The following ZNF385D variants were observed in gnomAD, a reference collection of about 807,000 sequenced individuals.
ZNF385D encodes zinc finger protein 385D.
A neutral mutation model predicts 35.8 loss-of-function variants in ZNF385D; 15 were observed. The ratio of observed to expected loss-of-function variants is 0.42; its 90% CI spans 0.28 to 0.64. The LOEUF (loss-of-function observed/expected upper bound fraction) is 0.64, where lower values mean the gene tolerates loss of function less well. Among genes scored for constraint, ZNF385D ranks in the 30% least tolerant of loss-of-function variants. The pLI, the probability that ZNF385D is intolerant of heterozygous loss-of-function variation, is 0.23. For synonymous variants in ZNF385D, 212 were observed against 186.8 expected (o/e 1.13, Z -1.10); for missense variants, 474 against 494.6 (o/e 0.96, Z 0.39).
chr3:22,000,369 C>T (rs1157272184), intron 3 of ZNF385D, among the ~76,000 whole-genome samples: 1 of 152,072 alleles, frequency 6.6e-6, no homozygotes, highest in Non-Finnish European at 1.5e-5. Flanking sequence ...TCTGGTCATC[C>T]TCACTGCTAC....
chr3:21,735,480 A>G (rs1157744804), intron 1 of ZNF385D, among the ~76,000 whole-genome samples: 1 of 152,174 alleles, frequency 6.6e-6, no homozygotes, highest in Non-Finnish European at 1.5e-5. Context: ...ACATCCTTAC[A>G]TATAAAGATG....
intron 2 of ZNF385D, among the ~76,000 whole-genome samples, chr3:21,568,444 T>C (rs2063223334): frequency 6.6e-6 from 1 of 152,208 alleles, no homozygotes; most frequent in Non-Finnish European, 1.5e-5. Context: ...TGTTTTTCTC[T>C]CCAGGAACCA....
chr3:21,510,283 G>T (rs570278452), intron 4 of ZNF385D, among the ~76,000 whole-genome samples: 1 of 152,108 alleles, frequency 6.6e-6, no homozygotes, highest in African/African-American at 2.4e-5. Flanking sequence ...TTATTTCACC[G>T]TGAAGCCTCT....
intron 3 of ZNF385D, among the ~76,000 whole-genome samples, chr3:22,094,165 T>A (rs1193401978): frequency 6.6e-6 from 1 of 151,898 alleles, no homozygotes; most frequent in Non-Finnish European, 1.5e-5. Context: ...ATATTCTAAT[T>A]TTCCTTTCTA....
In ZNF385D at chr3:22,091,235, G is replaced by A. The variant is rs149444922; in HGVS notation, c.325+77582C>T. ...CAAGATTCCAGACATTTAACTAGAT[G>A]GAGATACCAGAGCCTACTGGTGAAG... is the stretch of plus-strand genomic sequence containing the variant. On this transcript the variant is annotated intron_variant, in intron 3 of 5. Coordinates refer to the ZNF385D transcript ENST00000494108. 1.3e-4 allele frequency among the ~76,000 whole-genome samples: 20 copies of A among 152,246 alleles called. No individual in the cohort carries two copies. In the East Asian group the frequency reaches 3.7e-3, roughly 28 times the overall value.
chr3:22,196,749 T>C (rs1186785420), intron 2 of ZNF385D, among the ~76,000 whole-genome samples: 4 of 152,136 alleles, frequency 2.6e-5, no homozygotes, highest in African/African-American at 2.4e-5. Flanking sequence ...CCAAAATACA[T>C]TGTTGTCATT....
intron 2 of ZNF385D, among the ~76,000 whole-genome samples, chr3:22,334,482 T>C (rs537732541): frequency 1.3e-5 from 2 of 152,292 alleles, no homozygotes; most frequent in South Asian, 4.1e-4. Context: ...ACTTTTACCA[T>C]TGCTGCTCAT....
At chr3:22,138,256 G>A (rs1227186840) in intron 3 of ZNF385D, among the ~76,000 whole-genome samples, 1 of 152,154 alleles carries the variant, frequency 6.6e-6, no homozygotes, top group Non-Finnish European at 1.5e-5. Flanking sequence ...GCAATTTATA[G>A]ATTCAATGCC....
Position 21,599,034 on chromosome 3 carries a change from T to C in ZNF385D, c.166-34350A>G. The stretch of plus-strand genomic sequence containing the variant: ...AGATTTCCACTAAAACAGTAGTGAC[T>C]TCCAAATAAACTTCAAATCACCTAT... On this transcript the variant is annotated intron_variant, in intron 2 of 7. Transcript: ENST00000281523. Among the ~76,000 whole-genome samples, 3 of 152,330 alleles carry C rather than the reference T, an allele frequency of 2.0e-5. No individual in the cohort carries two copies. The Middle Eastern group carries it at 0.01, about 518-fold the overall frequency.
chr3:21,755,069 A>C (rs2070280492), upstream of ZNF385D, among the ~76,000 whole-genome samples: 2 of 152,150 alleles, frequency 1.3e-5, no homozygotes, highest in African/African-American at 4.8e-5. Flanking sequence ...ACAGTTTGTG[A>C]GTGTGTTTGT....
chr3:21,681,450 A>G (rs2066905221), intron 1 of ZNF385D, among the ~76,000 whole-genome samples: 1 of 151,832 alleles, frequency 6.6e-6, no homozygotes, highest in Non-Finnish European at 1.5e-5. Flanking sequence ...CAGTAATGAG[A>G]TATTTCAGAT....
chr3:22,014,660 G>A (rs1696774648), intron 3 of ZNF385D, among the ~76,000 whole-genome samples: 1 of 151,902 alleles, frequency 6.6e-6, no homozygotes, highest in Non-Finnish European at 1.5e-5. Context: ...ATGATAATAT[G>A]TGCAAGCAAA....
chr3:21,728,474 G>T (rs991006957), intron 1 of ZNF385D, among the ~76,000 whole-genome samples: 1 of 151,926 alleles, frequency 6.6e-6, no homozygotes, highest in Admixed American at 6.6e-5. Context: ...GAAACAAAAG[G>T]CATTCAATTA....
rs1701837417 is a variant in ZNF385D, at chr3:22,282,900, G to A, written c.106+89550C>T. The stretch of plus-strand genomic sequence containing the variant: ...CTTAAAAGACACAGAATGGCAGAAT[G>A]GATAAGAATTCACCAATCAAGTATC... On this transcript the variant is annotated intron_variant, in intron 2 of 5. Coordinates refer to the ZNF385D transcript ENST00000494108. 2.0e-5 allele frequency among the ~76,000 whole-genome samples: 3 copies of A among 152,000 alleles called. No individual in the cohort carries two copies. The South Asian group carries it at 6.2e-4, about 31-fold the overall frequency.
chr3:21,972,962 C>A (rs142761805), intron 3 of ZNF385D, among the ~76,000 whole-genome samples: 6 of 151,920 alleles, frequency 3.9e-5, no homozygotes, highest in South Asian at 2.1e-4. Context: ...TAGGACCCAG[C>A]GGCTTCATTG....
intron 2 of ZNF385D, among the ~76,000 whole-genome samples, chr3:21,616,005 T>C (rs1283427738): frequency 6.6e-6 from 1 of 152,088 alleles, no homozygotes; most frequent in African/African-American, 2.4e-5. Context: ...TAGAATTAAT[T>C]CTTGGAAAAC....
intron 3 of ZNF385D, among the ~76,000 whole-genome samples, chr3:21,994,151 CA>C (rs1458072534): frequency 6.6e-6 from 1 of 152,128 alleles, no homozygotes; most frequent in East Asian, 1.9e-4. Flanking sequence ...CTAAACAAAC[CA>C]AACTTTGACT....
chr3:21,836,829 T>C (rs1695357498), intron 3 of ZNF385D, among the ~76,000 whole-genome samples: 1 of 152,220 alleles, frequency 6.6e-6, no homozygotes, highest in South Asian at 2.1e-4. Context: ...TATAAGGTAG[T>C]TTGCAGACGC....
chr3:22,157,075 T>C (rs1348057740), intron 3 of ZNF385D, among the ~76,000 whole-genome samples: 2 of 152,092 alleles, frequency 1.3e-5, no homozygotes, highest in Non-Finnish European at 2.9e-5. Flanking sequence ...CAATCCAAGG[T>C]AGCCTCCAGG....
Sources: allele counts gnomAD v4.1 joint callset (sites outside exome capture counted in the v4.1 genomes callset), GRCh38; gene constraint gnomAD v4.1.1; transcripts MANE v1.5; gene names NCBI Gene and HGNC (gene_info 2026-07-23, HGNC 2026-07-21).